Variants in AGBL4 observed in about 807,000 individuals in gnomAD.
The protein encoded by AGBL4 is AGBL carboxypeptidase 4, also known as cytosolic carboxypeptidase 6.
In AGBL4, 58 loss-of-function variants were observed where a neutral mutation model predicts 66.4. That is an observed-to-expected ratio of 0.87 (90% CI 0.71 to 1.09). The LOEUF (loss-of-function observed/expected upper bound fraction) is 1.09. Ranked by LOEUF, AGBL4 falls within the 50% of genes least tolerant of loss-of-function variation. The probability of loss-of-function intolerance (pLI) is 0.00; values close to 1 mark genes in which losing one functional copy is unlikely to be tolerated. For synonymous variants in AGBL4, 234 were observed against 222.9 expected, an observed-to-expected ratio of 1.05 and a Z score of -0.44; for missense variants, 579 against 631.0, an observed-to-expected ratio of 0.92 and a Z score of 0.88.
chr1:49,110,905 C>A (rs1020406914), intron 4 of AGBL4, among the ~76,000 whole-genome samples: 5 of 152,122 alleles, frequency 3.3e-5, no homozygotes, highest in Non-Finnish European at 7.3e-5. Context: ...TTCTGTCCAA[C>A]CTCAAACGAT....
At chr1:48,863,375 A>G (rs1647673930) in intron 6 of AGBL4, among the ~76,000 whole-genome samples, 1 of 152,148 alleles carries the variant, frequency 6.6e-6, no homozygotes, top group Admixed American at 6.5e-5. Flanking sequence ...AGAAAACACA[A>G]ATATGGTGGT....
intron 3 of AGBL4, among the ~76,000 whole-genome samples, chr1:49,497,398 T>C (rs1048797814): frequency 4.6e-5 from 7 of 152,018 alleles, no homozygotes; most frequent in African/African-American, 1.7e-4. Context: ...ATTTTCAATT[T>C]TGATGCCTGT....
At chr1:48,776,761 A>T in intron 6 of AGBL4, 1 of 1,526,124 alleles carries the variant, frequency 6.6e-7, no homozygotes, top group Non-Finnish European at 8.8e-7. Context: ...GCGGGGGCTG[A>T]AGTCGCGCAC....
chr1:49,942,588 C>G (rs986712659), intron 1 of AGBL4, among the ~76,000 whole-genome samples: 1 of 152,054 alleles, frequency 6.6e-6, no homozygotes, highest in East Asian at 1.9e-4. Context: ...AATAAAATAA[C>G]AGTTTCTTCA....
intron 3 of AGBL4, among the ~76,000 whole-genome samples, chr1:49,278,274 C>T (rs1644209832): frequency 6.6e-6 from 1 of 152,034 alleles, no homozygotes; most frequent in African/African-American, 2.4e-5. Flanking sequence ...GGAATCACGT[C>T]CCAGGTTAAA....
At chr1:49,579,721 G>A (rs565244869) in intron 3 of AGBL4, among the ~76,000 whole-genome samples, 4 of 152,180 alleles carry the variant, frequency 2.6e-5, no homozygotes, top group East Asian at 3.9e-4. Flanking sequence ...GGATGGTCTC[G>A]ATCTCCTGAC....
chr1:48,776,509 G>A (rs1167672910), intron 6 of AGBL4: 1 of 907,506 alleles, frequency 1.1e-6, no homozygotes, highest in African/African-American at 1.8e-5. Flanking sequence ...GGAGCAAGCA[G>A]TGGCTCCCCC....
At chr1:49,285,849 C>G (rs958218344) in intron 3 of AGBL4, among the ~76,000 whole-genome samples, 1 of 152,194 alleles carries the variant, frequency 6.6e-6, no homozygotes, top group Non-Finnish European at 1.5e-5. Flanking sequence ...GGAATCCTCC[C>G]TAACTCATTT....
intron 5 of AGBL4, among the ~76,000 whole-genome samples, chr1:48,999,356 G>A (rs1286644019): frequency 6.6e-6 from 1 of 152,092 alleles, no homozygotes; most frequent in East Asian, 1.9e-4. Flanking sequence ...TTCTCCCTTT[G>A]ATTAAAGTCC....
chr1:49,095,100 T>C (rs138460597), intron 4 of AGBL4, among the ~76,000 whole-genome samples: 1,687 of 152,134 alleles, frequency 0.011, 28 homozygotes, highest in African/African-American at 0.029. Flanking sequence ...TCAAAGAGAA[T>C]AAAATATCTA....
intron 5 of AGBL4, among the ~76,000 whole-genome samples, chr1:49,015,136 G>C (rs2149012584): frequency 1.3e-5 from 2 of 152,244 alleles, no homozygotes; most frequent in Admixed American, 1.3e-4. Context: ...GAACTGGACA[G>C]AACCTTATGT....
intron 3 of AGBL4, among the ~76,000 whole-genome samples, chr1:49,642,284 T>C (rs911219732): frequency 6.6e-6 from 1 of 151,930 alleles, no homozygotes; most frequent in African/African-American, 2.4e-5. Flanking sequence ...TTTAAAGACA[T>C]TGGAAGGTAG....
At chr1:49,963,609 G>T (rs769023614) in intron 1 of AGBL4, among the ~76,000 whole-genome samples, 12 of 152,052 alleles carry the variant, frequency 7.9e-5, no homozygotes, top group Non-Finnish European at 1.5e-4. Flanking sequence ...TTTCATGTTG[G>T]ATATATACTT....
intron 1 of AGBL4, among the ~76,000 whole-genome samples, chr1:49,910,876 T>C (rs2148210602): frequency 6.6e-6 from 1 of 152,248 alleles, no homozygotes; most frequent in South Asian, 2.1e-4. Flanking sequence ...CTCAGGAGGC[T>C]GAGACAGAAG....
intron 5 of AGBL4, among the ~76,000 whole-genome samples, chr1:49,043,906 T>C (rs936563493): frequency 2.0e-5 from 3 of 152,190 alleles, no homozygotes; most frequent in African/African-American, 4.8e-5. Flanking sequence ...CTCACTTTTA[T>C]GTGAAACTCA....
At chr1:48,643,992 C>T (rs896177369) in intron 8 of AGBL4, among the ~76,000 whole-genome samples, 4 of 152,072 alleles carry the variant, frequency 2.6e-5, no homozygotes, top group Non-Finnish European at 4.4e-5. Flanking sequence ...CCTCCCAGGT[C>T]CTGCTTTTAT....
intron 5 of AGBL4, among the ~76,000 whole-genome samples, chr1:48,895,764 A>G (rs1439732900): frequency 6.6e-6 from 1 of 152,154 alleles, no homozygotes; most frequent in East Asian, 1.9e-4. Flanking sequence ...AGGACTCAGA[A>G]GAGCTCATCC....
At chr1:49,560,787 TA>T (rs34695937) in intron 3 of AGBL4, among the ~76,000 whole-genome samples, 91,757 of 151,734 alleles carry the variant, frequency 0.6, 28,476 homozygotes, top group Non-Finnish European at 0.67. Context: ...CCTTACAAAC[TA>T]GGAGAGACTC....
intron 11 of AGBL4, among the ~76,000 whole-genome samples, chr1:48,569,843 G>C (rs1644531461): frequency 1.3e-5 from 2 of 152,074 alleles, no homozygotes; most frequent in South Asian, 4.1e-4. Context: ...CCACTCTTTT[G>C]GGGTTGTAGT....
Sources: allele counts gnomAD v4.1 joint callset (sites outside exome capture counted in the v4.1 genomes callset), GRCh38; gene constraint gnomAD v4.1.1; transcripts MANE v1.5; gene names NCBI Gene and HGNC (gene_info 2026-07-23, HGNC 2026-07-21).